The following TSSC4 variants were observed in gnomAD, a reference collection of about 807,000 sequenced individuals.
The protein encoded by TSSC4 is U5 small nuclear ribonucleoprotein TSSC4.
For synonymous variants in TSSC4, 259 were observed against 197.9 expected (o/e 1.31, Z -2.59); for missense variants, 500 against 443.9 (o/e 1.13, Z -1.14).
Position 2,403,024 on chromosome 11 carries a change from C to T in TSSC4, c.391C>T (p.Arg131Trp), listed in dbSNP as rs766231949. ...GFKRPLAPSG[R>W]SPVEGLGRAH... Reference sequence around the variant, plus strand: ...CAAGCGGCCCCTAGCGCCCTCAGGCCGGTCTCCAGTGGAAGGCCTGGGCAG... The same window carrying T: ...CAAGCGGCCCCTAGCGCCCTCAGGCTGGTCTCCAGTGGAAGGCCTGGGCAG... The change falls in exon 3 of 3, where the codon CGG (arginine) becomes TGG (tryptophan). Residue 131 changes from arginine to tryptophan, a missense_variant. Coordinates refer to ENST00000333256, the MANE Select transcript of TSSC4 (RefSeq NM_005706.4). 8.1e-6 allele frequency: 13 copies of T among 1,608,450 alleles called. No individual in the cohort carries two copies. Among genetic ancestry groups the T allele is most frequent in the Admixed American group, 3.4e-5 (2 of 59,418 alleles).
Position 2,403,523 on chromosome 11 carries a change from C to T in TSSC4, c.890C>T (p.Pro297Leu), listed in dbSNP as rs1032259685. 25 of 1,596,788 alleles carry T rather than the reference C, an allele frequency of 1.6e-5. No homozygotes were observed. Among genetic ancestry groups the T allele is most frequent in the South Asian group, 2.2e-5 (2 of 88,932 alleles). ...CACAGTGGGTCTGTGCCAGGTCTCCCGCCGGTGGAAACTGTTGGCTTCCAT... is the reference window on the plus strand; with the variant it reads ...CACAGTGGGTCTGTGCCAGGTCTCCTGCCGGTGGAAACTGTTGGCTTCCAT... ...SVHSGSVPGL[P>L]PVETVGFHGS... The change falls in exon 3 of 3, where the codon CCG becomes CTG. Residue 297 changes from proline (P) to leucine (L), a missense_variant. Transcript: ENST00000333256.
chr11:2,403,498 C>T lies in TSSC4; in HGVS notation c.865C>T (p.His289Tyr), dbSNP rs777567496. Residue 289 changes from histidine to tyrosine, a missense_variant, in exon 3 of 3, where the codon CAC becomes TAC. Transcript: ENST00000333256. The stretch of plus-strand genomic sequence containing the variant: ...GGTGGAGGCACTGTCAGGGTCTGTC[C>T]ACAGTGGGTCTGTGCCAGGTCTCCC... ...QEVEALSGSV[H>Y]SGSVPGLPPV... The T allele has an allele frequency of 3.7e-5, 60 of 1,601,722 alleles. No homozygotes were observed. Among genetic ancestry groups the T allele is most frequent in the Non-Finnish European group, 5.0e-5 (59 of 1,173,844 alleles).
In TSSC4 at chr11:2,403,040, G is replaced by A. The variant is rs922864704; in HGVS notation, c.407G>A (p.Gly136Asp). 6.2e-7 allele frequency: 1 copy of A among 1,609,044 alleles called. No homozygotes were observed. Among genetic ancestry groups the A allele is most frequent in the Non-Finnish European group, 8.5e-7 (1 of 1,178,398 alleles). ...CCCTCAGGCCGGTCTCCAGTGGAAG[G>A]CCTGGGCAGGGCCCATCGGAGCCCT... is the stretch of plus-strand genomic sequence containing the variant. ...LAPSGRSPVE[G>D]LGRAHRSPAS... Residue 136 changes from glycine to aspartate, a missense_variant, in exon 3 of 3, where the codon GGC becomes GAC. Coordinates refer to ENST00000333256, the MANE Select transcript of TSSC4 (RefSeq NM_005706.4).
At chr11:2,401,689 C>T (rs1409221599) in intron 1 of TSSC4, 1 of 152,274 alleles carries the variant, frequency 6.6e-6, no homozygotes, top group Non-Finnish European at 1.5e-5. Flanking sequence ...AATTCAAGTT[C>T]TGAGGCACCC....
At position 2,402,679 on chromosome 11, in the gene TSSC4, G is replaced by A. The variant is rs747882180; in HGVS notation, c.46G>A (p.Glu16Lys). The A allele has an allele frequency of 1.3e-5, 20 of 1,590,738 alleles. No individual in the cohort carries two copies. Among genetic ancestry groups the A allele is most frequent in the East Asian group, 2.3e-5 (1 of 43,972 alleles). The change falls in exon 3 of 3, where the codon GAA (glutamate) becomes AAA (lysine). Residue 16 changes from glutamate to lysine, a missense_variant. Transcript: ENST00000333256. ...TGEPSPSVEG[E>K]HGTEYDTLPS... ...TGAGCCGTCCCCCAGCGTGGAGGGC[G>A]AACACGGGACGGAGTATGACACGCT...
In TSSC4 at chr11:2,403,665, C is replaced by T. The variant is rs1208630171; in HGVS notation, c.*42C>T. The T allele has an allele frequency of 4.8e-5, 70 of 1,456,658 alleles. No individual in the cohort carries two copies. The highest frequency in any genetic ancestry group is 6.3e-5 in the Non-Finnish European group (70 of 1,103,148). The allele number at this position is 1,456,658 out of a possible 1,614,324, so 90.2% of individuals were successfully genotyped here. A position where few individuals can be genotyped will look rare whatever the true frequency, so the allele number is the denominator to read the frequency against. The stretch of plus-strand genomic sequence containing the variant: ...CCTGACCCCACTGGCCACTGCCATC[C>T]TGCTGCCTTCCCAGTGGGGCTGGTC... On this transcript the variant is annotated 3_prime_UTR_variant, in exon 3 of 3. Transcript: ENST00000333256.
Position 2,403,086 on chromosome 11 carries a change from G to C in TSSC4, c.453G>C (p.Pro151=). 1.2e-6 allele frequency: 2 copies of C among 1,611,652 alleles called. No individual in the cohort carries two copies. The highest frequency in any genetic ancestry group is 1.7e-6 in the Non-Finnish European group (2 of 1,179,580). ...HRSPASPRVP[P]VPDYVAHPER... ...GCCCTGCCTCACCAAGGGTGCCTCC[G>C]GTCCCCGACTACGTGGCACACCCCG... Residue 151 remains proline, a synonymous_variant, in exon 3 of 3, where the codon CCG becomes CCC. Transcript: ENST00000333256.
intron 1 of TSSC4, chr11:2,401,537 C>T (rs1008489575): frequency 1.3e-5 from 2 of 152,352 alleles, no homozygotes; most frequent in Admixed American, 6.5e-5. Flanking sequence ...CTGATAGTAC[C>T]CCTGACCCCA....
rs371191108 is a variant in TSSC4 at position 2,402,618 on chromosome 11, G to A, written c.-16G>A. On this transcript the variant is annotated 5_prime_UTR_variant, in exon 3 of 3. In the 5' UTR this introduces an upstream ATG that the reference lacks. Coordinates refer to ENST00000333256, the MANE Select transcript of TSSC4 (RefSeq NM_005706.4). ...TGGGCTGTTTTGGTTTAGGTGTGGCGTGGCCCTGGGGACGCATGGCTGAGG... is the reference window on the plus strand; with the variant it reads ...TGGGCTGTTTTGGTTTAGGTGTGGCATGGCCCTGGGGACGCATGGCTGAGG... 3.5e-5 allele frequency: 55 copies of A among 1,578,150 alleles called. No individual in the cohort carries two copies. The African/African-American group carries it at 6.8e-4, about 20-fold the overall frequency.
intron 1 of TSSC4, chr11:2,401,225 C>T (rs1224746891): frequency 6.6e-6 from 1 of 152,204 alleles, no homozygotes; most frequent in East Asian, 1.9e-4. Flanking sequence ...CCGATCCCCG[C>T]TACCCGTCGG....
At position 2,403,761 on chromosome 11, in the gene TSSC4, C is replaced by T; in HGVS notation, c.*138C>T. 1 of 861,528 alleles carries T rather than the reference C, an allele frequency of 1.2e-6. No individual in the cohort carries two copies. The highest frequency in any genetic ancestry group is 1.7e-6 in the Non-Finnish European group (1 of 596,078). The allele number at this position is 861,528 out of a possible 1,614,324, so 53.4% of individuals were successfully genotyped here. On this transcript the variant is annotated 3_prime_UTR_variant, in exon 3 of 3. Transcript: ENST00000333256. ...CAGGTGGCACCGGTGGCCCTGGCTG[C>T]AGTTCTGGGCAGCATCCTCCCAAGC...
chr11:2,400,782 C>G lies in TSSC4; in HGVS notation c.-197C>G, dbSNP rs893182264. ...CGGCGCCGACCAAGATGGAGACTGCCGAGCAGCCTTGAGCCGGTAGGTTTG... is the reference window on the plus strand; with the variant it reads ...CGGCGCCGACCAAGATGGAGACTGCGGAGCAGCCTTGAGCCGGTAGGTTTG... On this transcript the variant is annotated 5_prime_UTR_variant, in exon 1 of 3. Coordinates refer to ENST00000333256, the MANE Select transcript of TSSC4 (RefSeq NM_005706.4). 3 of 152,038 alleles carry G rather than the reference C, an allele frequency of 2.0e-5. No individual in the cohort carries two copies. The highest frequency in any genetic ancestry group is 1.3e-4 in the Admixed American group (2 of 15,280). 9.4% of individuals were successfully genotyped at this position (152,038 alleles called of 1,614,324 possible). A position where few individuals can be genotyped will look rare whatever the true frequency, so the allele number is the denominator to read the frequency against.
rs758951894 is a variant in TSSC4 at position 2,402,744 on chromosome 11, C to T, written c.111C>T (p.Asp37=). The change falls in exon 3 of 3, where the codon GAC becomes GAT. Residue 37 remains aspartate, a synonymous_variant. Transcript: ENST00000333256. ...DTVSLSDSDS[D]LSLPGGAEVE... Reference sequence around the variant, plus strand: ...TCTCCCTCAGTGACTCGGACTCTGACCTCAGCTTGCCCGGTGGTGCTGAAG... The same window carrying T: ...TCTCCCTCAGTGACTCGGACTCTGATCTCAGCTTGCCCGGTGGTGCTGAAG... The T allele has an allele frequency of 6.4e-7, 1 of 1,570,910 alleles. No homozygotes were observed. The highest frequency in any genetic ancestry group is 8.6e-7 in the Non-Finnish European group (1 of 1,157,442).
At position 2,403,389 on chromosome 11, in the gene TSSC4, G is replaced by A; in HGVS notation, c.756G>A (p.Glu252=). ...GLGNPATDRG[E]GPVELAHLAG... The stretch of plus-strand genomic sequence containing the variant: ...GGAATCCTGCCACAGACAGGGGCGA[G>A]GGCCCTGTGGAGCTGGCCCATCTGG... Residue 252 remains glutamate (E), a synonymous_variant, in exon 3 of 3, where the codon GAG becomes GAA. Coordinates refer to ENST00000333256, the MANE Select transcript of TSSC4 (RefSeq NM_005706.4). 6.2e-7 allele frequency: 1 copy of A among 1,604,256 alleles called. No homozygotes were observed.
rs1394827139 is a variant in TSSC4 at position 2,403,075 on chromosome 11, A to G, written c.442A>G (p.Arg148Gly). Residue 148 changes from arginine (R) to glycine (G), a missense_variant, in exon 3 of 3, where the codon AGG becomes GGG. By Grantham distance (125) the Arg-to-Gly change is moderately radical. Transcript: ENST00000333256. ...GGCCCATCGGAGCCCTGCCTCACCA[A>G]GGGTGCCTCCGGTCCCCGACTACGT... ...GRAHRSPASP[R>G]VPPVPDYVAH... The G allele has an allele frequency of 1.2e-6, 2 of 1,611,070 alleles. No homozygotes were observed. The highest frequency in any genetic ancestry group is 2.7e-5 in the African/African-American group (2 of 74,882).
In TSSC4 at chr11:2,403,832, C is replaced by G; in HGVS notation, c.*209C>G. 1 of 452,666 alleles carries G rather than the reference C, an allele frequency of 2.2e-6. No homozygotes were observed. The allele number at this position is 452,666 out of a possible 1,614,324, so 28.0% of individuals were successfully genotyped here. The stretch of plus-strand genomic sequence containing the variant: ...TGGGGTGTGGGGTGTGGGCTGGAAG[C>G]ACTGGCTCCCTGGTAGGGACAATAA... On this transcript the variant is annotated 3_prime_UTR_variant, in exon 3 of 3. Coordinates refer to ENST00000333256, the MANE Select transcript of TSSC4 (RefSeq NM_005706.4).
Position 2,403,574 on chromosome 11 carries a change from A to G in TSSC4, c.941A>G (p.His314Arg), listed in dbSNP as rs370828126. The change falls in exon 3 of 3, where the codon CAC becomes CGC. Residue 314 changes from histidine to arginine, a missense_variant. His to Arg is a conservative substitution (Grantham distance 29, BLOSUM62 0). Transcript: ENST00000333256. ...GGCAGCAGGAAGCGGAGTCGAGACCACTTCCGGAACAAGAGCAGCAGCCCC... is the reference window on the plus strand; with the variant it reads ...GGCAGCAGGAAGCGGAGTCGAGACCGCTTCCGGAACAAGAGCAGCAGCCCC... ...FHGSRKRSRDHFRNKSSSPED... is the reference protein window; with the variant it reads ...FHGSRKRSRDRFRNKSSSPED... 5.8e-6 allele frequency: 9 copies of G among 1,555,816 alleles called. No homozygotes were observed. In the African/African-American group the frequency reaches 1.1e-4, roughly 19 times the overall value.
chr11:2,402,817 C>G lies in TSSC4; in HGVS notation c.184C>G (p.Pro62Ala), dbSNP rs1589860128. The G allele has an allele frequency of 6.3e-7, 1 of 1,591,156 alleles. No individual in the cohort carries two copies. The highest frequency in any genetic ancestry group is 1.7e-4 in the Middle Eastern group (1 of 6,050). ...MGLPGEEDSG[P>A]DEPPSPPSGL... is the part of the protein sequence containing the mutation. ...GCTGCCTGGGGAGGAGGATTCAGGT[C>G]CTGATGAGCCGCCCTCACCCCCGTC... The change falls in exon 3 of 3, where the codon CCT (proline) becomes GCT (alanine). Residue 62 changes from proline (P) to alanine (A), a missense_variant. Transcript: ENST00000333256.
chr11:2,400,927 G>A (rs1850125696), intron 1 of TSSC4, 129 bp downstream of exon 1: 1 of 152,180 alleles, frequency 6.6e-6, no homozygotes, highest in Non-Finnish European at 1.5e-5. Context: ...TCGCGGCCGG[G>A]CCCTTGGGAC....
Sources: gnomAD v4.1 joint callset for allele counts on GRCh38, gnomAD v4.1.1 for gene constraint, MANE v1.5 for transcripts, NCBI Gene and HGNC (gene_info 2026-07-23, HGNC 2026-07-21) for gene names.